Variants in ZBED6 observed in about 807,000 individuals in gnomAD.
ZBED6 encodes the protein zinc finger BED-type containing 6, also known as zinc finger BED domain-containing protein 6.
A neutral mutation model predicts 58.4 loss-of-function variants in ZBED6; 40 were observed. That is an observed-to-expected ratio of 0.68 (90% CI 0.53 to 0.89). The LOEUF is 0.89. Among genes scored for constraint, ZBED6 ranks in the 40% least tolerant of loss-of-function variants. ZBED6 has a pLI of 0.00. For synonymous variants in ZBED6, 439 were observed against 350.6 expected, an observed-to-expected ratio of 1.25 and a Z score of -2.82; for missense variants, 1,057 against 1,003.9, an observed-to-expected ratio of 1.05 and a Z score of -0.71.
chr1:203,838,185 T>C (rs1482709886), intron 10 of ZBED6, 121 bp downstream of exon 10: 18 of 922,642 alleles, frequency 2.0e-5, no homozygotes, highest in South Asian at 5.3e-5. Flanking sequence ...GTATTTGTTA[T>C]ATTATTCACT....
rs755259647 is a variant in ZBED6 at position 203,819,529 on chromosome 1, A to ATTTTTTTTTTTTT, written c.*2873+850_*2873+862dup. Among the ~76,000 whole-genome samples, 264 of 72,858 alleles carry ATTTTTTTTTTTTT rather than the reference A, an allele frequency of 3.6e-3. 10 individuals carry two copies. The highest frequency in any genetic ancestry group is 5.2e-3 in the Non-Finnish European group (198 of 38,066). 47.8% of individuals were successfully genotyped at this position (72,858 alleles called of 152,430 possible). ...GAGCCACCGTGCCCAGCTGACTCCA[A>ATTTTTTTTTTTTT]TTTTTTTTTTTTTTTTTTTTTTGAG... On this transcript the variant is annotated intron_variant, in intron 3 of 16. Coordinates refer to ENST00000550078, the Ensembl canonical transcript of ZBED6.
exon 5 of ZBED6, chr1:203,829,605 G>A: frequency 6.8e-6 from 11 of 1,614,162 alleles, no homozygotes; most frequent in Non-Finnish European, 9.3e-6. Flanking sequence ...CTAGCCCCAC[G>A]CATCCACCAG....
chr1:203,814,948 G>A (rs931564481), intron 1 of ZBED6: 9 of 152,072 alleles, frequency 5.9e-5, no homozygotes, highest in African/African-American at 2.2e-4. Context: ...CCCTACCTTA[G>A]GCTCCTGAGT....
chr1:203,845,306 CA>C (rs1476761446), intron 11 of ZBED6, among the ~76,000 whole-genome samples: 14 of 152,164 alleles, frequency 9.2e-5, no homozygotes, highest in Non-Finnish European at 1.6e-4. Context: ...TCTATGTCAC[CA>C]TTCATGTTGT....
At chr1:203,800,564 G>A in exon 1 of ZBED6, 1 of 1,091,500 alleles carries the variant, frequency 9.2e-7, no homozygotes. Context: ...ACACATCTGG[G>A]GAAACCTGAA....
chr1:203,848,473 C>T, intron 13 of ZBED6, 66 bp downstream of exon 13: 1 of 1,245,144 alleles, frequency 8.0e-7, no homozygotes, highest in Non-Finnish European at 1.1e-6. Flanking sequence ...GGTAGTTTTA[C>T]CTTACAATAA....
At chr1:203,800,562 G>T (rs1233040245) in exon 1 of ZBED6, 4 of 1,101,498 alleles carry the variant, frequency 3.6e-6, no homozygotes, top group Non-Finnish European at 4.8e-6. Context: ...AAACACATCT[G>T]GGGAAACCTG....
chr1:203,838,291 G>A (rs1044141134), intron 10 of ZBED6, among the ~76,000 whole-genome samples: 1 of 152,156 alleles, frequency 6.6e-6, no homozygotes, highest in African/African-American at 2.4e-5. Flanking sequence ...ATAAATGGCA[G>A]GTAGGAATAC....
chr1:203,840,197 C>G lies in ZBED6; in HGVS notation c.*3673-109C>G, dbSNP rs1315272265. On this transcript the variant is annotated intron_variant, in intron 10 of 16. Transcript: ENST00000550078. ...CAAGTGATCAGCCTGCCTTGGCCTC[C>G]CAAAGTTCTGGGATTACAGGTGTAT... 3 of 1,085,224 alleles carry G rather than the reference C, an allele frequency of 2.8e-6. No individual in the cohort carries two copies. In the African/African-American group the frequency reaches 4.8e-5, roughly 17 times the overall value. The allele number at this position is 1,085,224 out of a possible 1,614,324, so 67.2% of individuals were successfully genotyped here.
chr1:203,827,005 C>T (rs1680740944), intron 3 of ZBED6, among the ~76,000 whole-genome samples: 1 of 152,190 alleles, frequency 6.6e-6, no homozygotes, highest in African/African-American at 2.4e-5. Flanking sequence ...ATCCCAACTA[C>T]TCTACCATGG....
At chr1:203,816,305 T>C (rs1676347589) in intron 1 of ZBED6, among the ~76,000 whole-genome samples, 1 of 152,152 alleles carries the variant, frequency 6.6e-6, no homozygotes, top group Non-Finnish European at 1.5e-5. Flanking sequence ...AAAATACATA[T>C]ATACATACAT....
intron 3 of ZBED6, among the ~76,000 whole-genome samples, chr1:203,820,624 T>C (rs1339798382): frequency 6.6e-6 from 1 of 151,974 alleles, no homozygotes; most frequent in Non-Finnish European, 1.5e-5. Flanking sequence ...ACAACGGGCA[T>C]GCCTCACCAC....
intron 16 of ZBED6, 68 bp from the exon 17 acceptor site, chr1:203,852,070 CCGT>C: frequency 6.3e-7 from 1 of 1,581,628 alleles, no homozygotes; most frequent in Non-Finnish European, 8.6e-7. Flanking sequence ...CACTTTGTGT[CCGT>C]GAGACTAGGT....
intron 12 of ZBED6, 25 bp downstream of exon 12, chr1:203,847,712 T>TACC: frequency 6.2e-7 from 1 of 1,601,094 alleles, no homozygotes; most frequent in African/African-American, 1.3e-5. Flanking sequence ...TGGTCTCTAG[T>TACC]ACCACGTCCC....
intron 3 of ZBED6, among the ~76,000 whole-genome samples, chr1:203,825,990 A>T (rs1406893401): frequency 6.6e-6 from 1 of 152,222 alleles, no homozygotes; most frequent in Non-Finnish European, 1.5e-5. Context: ...TGTATAGAAG[A>T]TACTGTTACA....
exon 1 of ZBED6, chr1:203,799,946 G>C (rs1670024772): frequency 1.3e-6 from 2 of 1,535,996 alleles, no homozygotes; most frequent in Admixed American, 2.0e-5. Context: ...CTTCACCAGA[G>C]ATCTGCCAAA....
At chr1:203,853,366 C>T (rs1042273919) in exon 17 of ZBED6, 7 of 152,554 alleles carry the variant, frequency 4.6e-5, no homozygotes, top group Non-Finnish European at 8.8e-5. Flanking sequence ...TGTAGCAGTA[C>T]ACTGAATTGT....
chr1:203,824,125 G>C (rs115452042), intron 3 of ZBED6, among the ~76,000 whole-genome samples: 2 of 151,774 alleles, frequency 1.3e-5, no homozygotes, highest in Non-Finnish European at 2.9e-5. Context: ...AAAATTAGTC[G>C]GGCGTGGTGA....
rs372621535 is a variant in ZBED6, at chr1:203,850,191, A to T, written c.*4638+165A>T. 5 of 698,112 alleles carry T rather than the reference A, an allele frequency of 7.2e-6. No individual in the cohort carries two copies. In the African/African-American group the frequency reaches 9.0e-5, roughly 13 times the overall value. 43.2% of individuals were successfully genotyped at this position (698,112 alleles called of 1,614,324 possible). A position where few individuals can be genotyped will look rare whatever the true frequency, so the allele number is the denominator to read the frequency against. On this transcript the variant is annotated intron_variant, in intron 14 of 16. Coordinates refer to ENST00000550078, the Ensembl canonical transcript of ZBED6. ...TATTTTTATACAGAGGCAAAACGAGATGAATTCTTTTCTCAGAATTTAAAA... is the reference window on the plus strand; with the variant it reads ...TATTTTTATACAGAGGCAAAACGAGTTGAATTCTTTTCTCAGAATTTAAAA...
Sources: allele counts gnomAD v4.1 joint callset (sites outside exome capture counted in the v4.1 genomes callset), GRCh38; gene constraint gnomAD v4.1.1; transcripts MANE v1.5; gene names NCBI Gene and HGNC (gene_info 2026-07-23, HGNC 2026-07-21).